PRKG1: variants seen among roughly 807,000 people sequenced by gnomAD.
PRKG1 encodes cGMP-dependent protein kinase 1.
PRKG1 carries 35 observed loss-of-function variants against 88.1 expected under a neutral mutation model. That is an observed-to-expected ratio of 0.40 (90% CI 0.30 to 0.53). The LOEUF (loss-of-function observed/expected upper bound fraction) is 0.53. Ranked by LOEUF, PRKG1 falls within the 20% of genes least tolerant of loss-of-function variation. PRKG1 has a pLI of 0.59. For synonymous variants in PRKG1, 303 were observed against 292.5 expected, an observed-to-expected ratio of 1.04 and a Z score of -0.37; for missense variants, 540 against 839.8, an observed-to-expected ratio of 0.64 and a Z score of 4.41.
rs150187713 is a variant in PRKG1 at position 52,082,299 on chromosome 10, A to G, written c.935+19668A>G. Among the ~76,000 whole-genome samples the G allele has an allele frequency of 2.3e-3, 355 of 152,228 alleles. 5 individuals are homozygous for G. The highest frequency in any genetic ancestry group is 0.015 in the East Asian group (76 of 5,172). ...CAGGATGAGATTTGGGTGGGGACACAGCCAAACCATATCATTACATCCTTT... is the reference window on the plus strand; with the variant it reads ...CAGGATGAGATTTGGGTGGGGACACGGCCAAACCATATCATTACATCCTTT... On this transcript the variant is annotated intron_variant, in intron 7 of 17. Transcript: ENST00000373980.
At chr10:51,883,060 A>C (rs772388881) in intron 4 of PRKG1, among the ~76,000 whole-genome samples, 2 of 152,244 alleles carry the variant, frequency 1.3e-5, no homozygotes, top group Non-Finnish European at 2.9e-5. Context: ...GTGGGCAGAC[A>C]TCATCCAACC....
chr10:51,547,505 C>T (rs1287659107), intron 3 of PRKG1, among the ~76,000 whole-genome samples: 1 of 151,974 alleles, frequency 6.6e-6, no homozygotes, highest in African/African-American at 2.4e-5. Context: ...TATAGTATAG[C>T]CAATTAGAAG....
chr10:51,934,258 C>A (rs55859783), intron 5 of PRKG1, among the ~76,000 whole-genome samples: 41,261 of 146,298 alleles, frequency 0.28, 6,213 homozygotes, highest in African/African-American at 0.42. Context: ...ACACATACCC[C>A]CCCCCCAACA....
At chr10:50,994,473 G>C (rs1260775499) in intron 1 of PRKG1, among the ~76,000 whole-genome samples, 1 of 136,418 alleles carries the variant, frequency 7.3e-6, no homozygotes, top group African/African-American at 2.9e-5. Context: ...GGAGTGGTGC[G>C]ATCTCCGGCT....
At chr10:51,622,595 A>G (rs1388120620) in intron 3 of PRKG1, among the ~76,000 whole-genome samples, 1 of 152,216 alleles carries the variant, frequency 6.6e-6, no homozygotes. Flanking sequence ...GGAATGAGAT[A>G]CTTTGTTTAT....
At chr10:52,164,139 T>C (rs1265255311) in intron 9 of PRKG1, among the ~76,000 whole-genome samples, 1 of 151,994 alleles carries the variant, frequency 6.6e-6, no homozygotes, top group Non-Finnish European at 1.5e-5. Flanking sequence ...TCACCTGAGG[T>C]CAGGAGTTTG....
intron 1 of PRKG1, among the ~76,000 whole-genome samples, chr10:51,019,318 G>C (rs1026310651): frequency 7.2e-5 from 11 of 152,266 alleles, no homozygotes; most frequent in Admixed American, 3.3e-4. Context: ...TGATAGAATA[G>C]ATTAGGGAGG....
chr10:51,889,634 C>G (rs1254564236), intron 4 of PRKG1, among the ~76,000 whole-genome samples: 1 of 152,202 alleles, frequency 6.6e-6, no homozygotes, highest in Non-Finnish European at 1.5e-5. Flanking sequence ...AATCGCCACA[C>G]TCTCTTCCAC....
rs1418056160 is a variant in PRKG1, at chr10:51,983,146, AG to A, written c.763-71335del. Among the ~76,000 whole-genome samples, 3 of 152,020 alleles carry A rather than the reference AG, an allele frequency of 2.0e-5. No individual in the cohort carries two copies. In the East Asian group the frequency reaches 5.8e-4, roughly 29 times the overall value. On this transcript the variant is annotated intron_variant, in intron 5 of 17. Transcript: ENST00000373980. ...TGTAACTCCCACACCAGTGTTGGCA[AG>A]GGTGGGGCACTGGCAGGCGTGGGGC...
At chr10:52,267,472 T>C (rs935391438) in intron 10 of PRKG1, among the ~76,000 whole-genome samples, 46 of 152,064 alleles carry the variant, frequency 3.0e-4, no homozygotes, top group African/African-American at 1.0e-3. Context: ...GTTTTACTTT[T>C]ACTCATTGTA....
At chr10:51,546,793 G>C (rs563493661) in intron 3 of PRKG1, among the ~76,000 whole-genome samples, 1 of 152,100 alleles carries the variant, frequency 6.6e-6, no homozygotes, top group East Asian at 1.9e-4. Context: ...TTCTCTTATG[G>C]CTAGAAAGGC....
At chr10:51,234,601 C>T (rs764118495) in intron 2 of PRKG1, among the ~76,000 whole-genome samples, 5 of 152,034 alleles carry the variant, frequency 3.3e-5, no homozygotes, top group Non-Finnish European at 5.9e-5. Flanking sequence ...TTATTCTCCA[C>T]TTTAAATAGA....
intron 2 of PRKG1, among the ~76,000 whole-genome samples, chr10:51,443,465 T>G (rs925025057): frequency 6.6e-6 from 1 of 152,070 alleles, no homozygotes; most frequent in Non-Finnish European, 1.5e-5. Context: ...TTTAAATTCT[T>G]ATTGGCTGTA....
intron 6 of PRKG1, among the ~76,000 whole-genome samples, chr10:52,055,779 A>G (rs1339548801): frequency 1.3e-5 from 2 of 152,190 alleles, no homozygotes; most frequent in African/African-American, 4.8e-5. Context: ...TATAATTATC[A>G]CTTTATAAAT....
intron 3 of PRKG1, among the ~76,000 whole-genome samples, chr10:51,764,519 T>G (rs533811695): frequency 1.3e-5 from 2 of 152,278 alleles, no homozygotes; most frequent in African/African-American, 4.8e-5. Context: ...ACTGTCAAGC[T>G]GGCCCAGGTT....
At chr10:51,927,346 C>G (rs758504877) in intron 5 of PRKG1, among the ~76,000 whole-genome samples, 1 of 152,140 alleles carries the variant, frequency 6.6e-6, no homozygotes, top group Non-Finnish European at 1.5e-5. Flanking sequence ...TGCCTTTCAC[C>G]TTTCATCATG....
chr10:51,402,665 C>T (rs1837783401), intron 2 of PRKG1, among the ~76,000 whole-genome samples: 1 of 152,194 alleles, frequency 6.6e-6, no homozygotes, highest in Non-Finnish European at 1.5e-5. Context: ...TACCTGAGCT[C>T]CTGTAACCTA....
intron 2 of PRKG1, among the ~76,000 whole-genome samples, chr10:51,202,173 T>G (rs1837928464): frequency 6.6e-6 from 1 of 152,208 alleles, no homozygotes; most frequent in Admixed American, 6.5e-5. Flanking sequence ...AAGCGTTATC[T>G]ATGGCCAGTG....
At chr10:52,012,661 A>G (rs1406624696) in intron 5 of PRKG1, among the ~76,000 whole-genome samples, 1 of 152,232 alleles carries the variant, frequency 6.6e-6, no homozygotes, top group Non-Finnish European at 1.5e-5. Context: ...TACTGGGATT[A>G]CAGGCATCTG....
Sources: allele counts gnomAD v4.1 joint callset (sites outside exome capture counted in the v4.1 genomes callset), GRCh38; gene constraint gnomAD v4.1.1; transcripts MANE v1.5; gene names NCBI Gene and HGNC (gene_info 2026-07-23, HGNC 2026-07-21).